DDAH1: variants seen among roughly 807,000 people sequenced by gnomAD.
DDAH1 encodes the protein dimethylarginine dimethylaminohydrolase 1.
Under a neutral mutation model 28.8 loss-of-function variants are expected in DDAH1, and 19 were observed. That is an observed-to-expected ratio of 0.66 (90% CI 0.46 to 0.97). The LOEUF is 0.97. Among genes scored for constraint, DDAH1 ranks in the 50% least tolerant of loss-of-function variants. The pLI is 0.00. For missense variants in DDAH1, 326 were observed against 375.9 expected (o/e 0.87, Z 1.10); for synonymous variants, 153 against 154.4 (o/e 0.99, Z 0.07).
chr1:85,431,233 G>T (rs1653674178), intron 1 of DDAH1, among the ~76,000 whole-genome samples: 1 of 152,162 alleles, frequency 6.6e-6, no homozygotes, highest in Non-Finnish European at 1.5e-5. Context: ...TGCATCCCAG[G>T]GATGAAGCCG....
At chr1:85,469,582 A>G (rs1004219148), upstream of DDAH1, among the ~76,000 whole-genome samples, 2 of 152,232 alleles carry the variant, frequency 1.3e-5, no homozygotes, top group Admixed American at 6.5e-5. Context: ...TTTGAACAGA[A>G]GGCTTTGCAC....
chr1:85,332,740 G>C (rs529184398), intron 4 of DDAH1, among the ~76,000 whole-genome samples: 1 of 152,168 alleles, frequency 6.6e-6, no homozygotes, highest in Non-Finnish European at 1.5e-5. Flanking sequence ...TGAAACCCAA[G>C]CATGCTGTCT....
rs558717190 is a variant in DDAH1, at chr1:85,562,329, C to A, written c.-123+15655G>T. 2.0e-5 allele frequency among the ~76,000 whole-genome samples: 3 copies of A among 152,198 alleles called. No individual in the cohort carries two copies. The East Asian group carries it at 5.8e-4, about 29-fold the overall frequency. On this transcript the variant is annotated intron_variant, in intron 1 of 6. Coordinates refer to the DDAH1 transcript ENST00000426972. ...TTAAAGATAAACTAATAATGCAGGG[C>A]ATTTTTAATAGTTTACCACAAAGAC...
At chr1:85,414,226 A>G (rs1652785560) in intron 1 of DDAH1, among the ~76,000 whole-genome samples, 1 of 152,194 alleles carries the variant, frequency 6.6e-6, no homozygotes, top group African/African-American at 2.4e-5. Flanking sequence ...AGCATTGTAG[A>G]TCAGCAGGAA....
At chr1:85,342,811 C>T (rs1323808776) in intron 4 of DDAH1, among the ~76,000 whole-genome samples, 2 of 152,170 alleles carry the variant, frequency 1.3e-5, no homozygotes, top group African/African-American at 2.4e-5. Flanking sequence ...TCAACCTTGG[C>T]CTGTGCATTA....
chr1:85,552,401 G>T (rs995793419), intron 1 of DDAH1, among the ~76,000 whole-genome samples: 1 of 152,088 alleles, frequency 6.6e-6, no homozygotes, highest in African/African-American at 2.4e-5. Flanking sequence ...GCTTTTCCTC[G>T]TACAATATAC....
chr1:85,516,545 C>T (rs1314039045), intron 1 of DDAH1, among the ~76,000 whole-genome samples: 1 of 151,536 alleles, frequency 6.6e-6, no homozygotes, highest in East Asian at 1.9e-4. Context: ...TTAATCATTG[C>T]ATTTTCCCTC....
At chr1:85,329,999 A>G (rs1279440882) in intron 4 of DDAH1, among the ~76,000 whole-genome samples, 4 of 152,238 alleles carry the variant, frequency 2.6e-5, no homozygotes, top group Non-Finnish European at 5.9e-5. Flanking sequence ...GGCAAAGAAC[A>G]GATTTCTCCT....
intron 1 of DDAH1, among the ~76,000 whole-genome samples, chr1:85,564,000 C>T (rs1272517692): frequency 2.6e-5 from 4 of 152,176 alleles, no homozygotes; most frequent in African/African-American, 9.6e-5. Context: ...GGTGAAACCC[C>T]GTCTCTACTA....
chr1:85,391,216 T>A lies in DDAH1; in HGVS notation c.304-32369A>T, dbSNP rs374204134. Among the ~76,000 whole-genome samples the A allele has an allele frequency of 3.3e-5, 5 of 152,296 alleles. No homozygotes were observed. In the East Asian group the frequency reaches 9.6e-4, roughly 29 times the overall value. ...GAAAAACCACCCCAAATTCAGGAAG[T>A]AATCCCTGAGTGACTTATACTCTTC... On this transcript the variant is annotated intron_variant, in intron 1 of 5. Transcript: ENST00000284031.
At chr1:85,406,055 T>A (rs965315121) in intron 1 of DDAH1, among the ~76,000 whole-genome samples, 1 of 152,184 alleles carries the variant, frequency 6.6e-6, no homozygotes, top group South Asian at 2.1e-4. Flanking sequence ...CTCATTTGAA[T>A]TCCATAACCA....
intron 1 of DDAH1, among the ~76,000 whole-genome samples, chr1:85,559,765 A>G (rs1277212077): frequency 6.6e-6 from 1 of 151,488 alleles, no homozygotes; most frequent in African/African-American, 2.4e-5. Flanking sequence ...AGGGCATAGC[A>G]AATTAGAATA....
At chr1:85,449,980 A>G (rs1357634180) in intron 1 of DDAH1, among the ~76,000 whole-genome samples, 21 of 152,174 alleles carry the variant, frequency 1.4e-4, no homozygotes, top group Admixed American at 1.4e-3. Context: ...AGGTATACAA[A>G]CAGGAGCAAC....
chr1:85,557,704 A>T (rs1659014465), intron 1 of DDAH1, among the ~76,000 whole-genome samples: 1 of 152,140 alleles, frequency 6.6e-6, no homozygotes, highest in Non-Finnish European at 1.5e-5. Context: ...GTATTTGGAG[A>T]TAGGGTCTTT....
At chr1:85,507,191 AAACATT>A (rs1657046655) in intron 1 of DDAH1, among the ~76,000 whole-genome samples, 2 of 152,124 alleles carry the variant, frequency 1.3e-5, no homozygotes, top group South Asian at 4.2e-4. Context: ...CCTCACACCT[AAACATT>A]AACACCTAAA....
intron 1 of DDAH1, among the ~76,000 whole-genome samples, chr1:85,439,480 C>A (rs1654093278): frequency 6.6e-6 from 1 of 152,246 alleles, no homozygotes; most frequent in Non-Finnish European, 1.5e-5. Context: ...TCCATTACAT[C>A]CCTGGCTGCT....
At position 85,541,670 on chromosome 1, in the gene DDAH1, C is replaced by T. The variant is rs184126593; in HGVS notation, c.-123+36314G>A. Among the ~76,000 whole-genome samples, 49 of 152,232 alleles carry T rather than the reference C, an allele frequency of 3.2e-4. No homozygotes were observed. The Middle Eastern group carries it at 0.01, about 32-fold the overall frequency. On this transcript the variant is annotated intron_variant, in intron 1 of 6. Transcript: ENST00000426972. The stretch of plus-strand genomic sequence containing the variant: ...TGCTACAGACTGAATATTGTGTCCC[C>T]GTAGAATTCATTTGTAGAAACCTAA...
rs141894919 is a variant in DDAH1 at position 85,577,326 on chromosome 1, G to A, written c.-123+658C>T. Among the ~76,000 whole-genome samples, 1,460 of 152,362 alleles carry A rather than the reference G, an allele frequency of 9.6e-3. 19 individuals carry two copies. Among genetic ancestry groups the A allele is most frequent in the African/African-American group, 0.033 (1,369 of 41,594 alleles). ...CTCCTGGCTGTCAAGCCAAGGGGAT[G>A]GGGGCGGGGAAATGGTAGAGGAGAG... is the stretch of plus-strand genomic sequence containing the variant. On this transcript the variant is annotated intron_variant, in intron 1 of 6. Coordinates refer to the DDAH1 transcript ENST00000426972.
intron 1 of DDAH1, among the ~76,000 whole-genome samples, chr1:85,529,697 T>C (rs1467229193): frequency 1.4e-5 from 2 of 139,118 alleles, no homozygotes; most frequent in Non-Finnish European, 3.1e-5. Flanking sequence ...CTGTGGTAGA[T>C]TGTGGGTGGC....
Sources: gnomAD v4.1 joint callset for allele counts (sites outside exome capture counted in the v4.1 genomes callset) on GRCh38, gnomAD v4.1.1 for gene constraint, MANE v1.5 for transcripts, NCBI Gene and HGNC (gene_info 2026-07-23, HGNC 2026-07-21) for gene names.